DLC1: variants seen among roughly 807,000 people sequenced by gnomAD.
The protein encoded by DLC1 is DLC1 Rho GTPase activating protein, also known as rho GTPase-activating protein 7.
DLC1 carries 54 observed loss-of-function variants against 140.3 expected under a neutral mutation model. The observed-to-expected ratio is 0.38, with a 90% CI of 0.31 to 0.48. DLC1 has a LOEUF of 0.48. Among genes scored for constraint, DLC1 ranks in the 20% least tolerant of loss-of-function variants. The pLI is 0.96. For missense variants in DLC1, 2,536 were observed against 1,907.0 expected (o/e 1.33, Z -6.14); for synonymous variants, 986 against 728.1 (o/e 1.35, Z -5.70).
chr8:13,232,773 C>A (rs1020500405), intron 5 of DLC1, among the ~76,000 whole-genome samples: 3 of 152,186 alleles, frequency 2.0e-5, no homozygotes, highest in African/African-American at 7.2e-5. Flanking sequence ...ATTTTAGACT[C>A]AAATACAAAT....
intron 1 of DLC1, among the ~76,000 whole-genome samples, chr8:13,582,932 C>T (rs1478742126): frequency 8.3e-6 from 1 of 120,638 alleles, no homozygotes; most frequent in Non-Finnish European, 1.7e-5. Flanking sequence ...GGTGTAATAG[C>T]ATTATGTCTA....
At chr8:13,502,098 T>C (rs1437780370) in intron 1 of DLC1, among the ~76,000 whole-genome samples, 5 of 152,214 alleles carry the variant, frequency 3.3e-5, no homozygotes, top group Non-Finnish European at 7.3e-5. Flanking sequence ...TTATTAACTT[T>C]TTAGGCAAAA....
intron 8 of DLC1, among the ~76,000 whole-genome samples, 180 bp downstream of exon 8, chr8:13,102,610 T>C (rs1317124581): frequency 6.6e-6 from 1 of 152,194 alleles, no homozygotes; most frequent in Admixed American, 6.5e-5. Context: ...AATGGACTAG[T>C]TGCAACTATT....
chr8:13,157,930 T>C (rs1026238364), intron 5 of DLC1, among the ~76,000 whole-genome samples: 1 of 152,242 alleles, frequency 6.6e-6, no homozygotes, highest in Non-Finnish European at 1.5e-5. Flanking sequence ...ACTCATTTAG[T>C]TTACTCACTA....
rs769168002 is a variant in DLC1, at chr8:13,110,835, A to T, written c.1421-12T>A. The T allele has an allele frequency of 1.2e-6, 2 of 1,613,586 alleles. No homozygotes were observed. Among genetic ancestry groups the T allele is most frequent in the Admixed American group, 3.3e-5 (2 of 59,980 alleles). On this transcript the variant is annotated splice_polypyrimidine_tract_variant and intron_variant, in intron 6 of 17. Transcript: ENST00000276297. ...GGGGAACAGGAAATCTATGAGAAAA[A>T]TAAACAGATGTATTTGTTGAGCGCC...
chr8:13,430,523 A>G (rs1838816802), intron 2 of DLC1, among the ~76,000 whole-genome samples: 2 of 152,306 alleles, frequency 1.3e-5, no homozygotes, highest in East Asian at 1.9e-4. Flanking sequence ...TTTGAAAAAA[A>G]TGATTTTTAG....
chr8:13,532,519 C>T (rs550982879), intron 1 of DLC1, among the ~76,000 whole-genome samples: 1 of 152,352 alleles, frequency 6.6e-6, no homozygotes, highest in South Asian at 2.1e-4. Context: ...GCTTAACTCA[C>T]TTGTCAGAGT....
At chr8:13,599,843 T>G (rs951951729) in intron 1 of DLC1, among the ~76,000 whole-genome samples, 4 of 151,958 alleles carry the variant, frequency 2.6e-5, no homozygotes, top group African/African-American at 7.2e-5. Flanking sequence ...ACATAAAAAT[T>G]TTTATATGAT....
At chr8:13,247,052 A>C (rs1829795279) in intron 5 of DLC1, among the ~76,000 whole-genome samples, 2 of 152,134 alleles carry the variant, frequency 1.3e-5, no homozygotes, top group South Asian at 4.1e-4. Context: ...GCTCTCAACC[A>C]CATTGTAAGG....
At chr8:13,488,936 A>T (rs1801104049) in intron 2 of DLC1, among the ~76,000 whole-genome samples, 1 of 151,854 alleles carries the variant, frequency 6.6e-6, no homozygotes, top group Admixed American at 6.6e-5. Context: ...TCTAGGCTCA[A>T]TTTTTTTTAT....
At chr8:13,536,023 CAAAG>C in intron 1 of DLC1, 1 of 152,074 alleles carries the variant, frequency 6.6e-6, no homozygotes, top group East Asian at 1.9e-4. Flanking sequence ...AGGAGAACAA[CAAAG>C]AGTCTACGGC....
At chr8:13,536,038 C>A (rs1193726864) in intron 1 of DLC1, 1 of 152,118 alleles carries the variant, frequency 6.6e-6, no homozygotes, top group African/African-American at 2.4e-5. Context: ...AGTCTACGGC[C>A]ATACCACCCT....
At chr8:13,539,928 A>C (rs1192283044) in intron 1 of DLC1, among the ~76,000 whole-genome samples, 1 of 152,210 alleles carries the variant, frequency 6.6e-6, no homozygotes, top group Non-Finnish European at 1.5e-5. Flanking sequence ...ATAAGCTACA[A>C]AACCTTTTCA....
At chr8:13,183,640 C>G (rs1321950600) in intron 5 of DLC1, among the ~76,000 whole-genome samples, 4 of 152,094 alleles carry the variant, frequency 2.6e-5, no homozygotes, top group Non-Finnish European at 5.9e-5. Flanking sequence ...GTATGTTGAA[C>G]CAGCCTTGCA....
At position 13,099,364 on chromosome 8, in the gene DLC1, G is replaced by A. The variant is rs1818786205; in HGVS notation, c.2973C>T (p.Ser991=). 3 of 1,613,788 alleles carry A rather than the reference G, an allele frequency of 1.9e-6. No individual in the cohort carries two copies. The highest frequency in any genetic ancestry group is 1.7e-6 in the Non-Finnish European group (2 of 1,179,936). Residue 991 remains serine (S), a synonymous_variant, in exon 9 of 18, where the codon TCC becomes TCT. Transcript: ENST00000276297. The stretch of plus-strand genomic sequence containing the variant: ...GTTCTTACCTGTTGGACCTGGTTAG[G>A]GAAGCCCCAACCCCAGAATCCCTTC... The part of the protein sequence containing the change: ...PERRDSGVGA[S]LTRSNRHRLR...
intron 5 of DLC1, among the ~76,000 whole-genome samples, chr8:13,146,673 A>C (rs1312915216): frequency 6.6e-6 from 1 of 152,122 alleles, no homozygotes; most frequent in African/African-American, 2.4e-5. Context: ...CTGTGTTTTT[A>C]AAAAGTTGAC....
At chr8:13,354,068 G>A (rs928797244) in intron 4 of DLC1, among the ~76,000 whole-genome samples, 1 of 150,370 alleles carries the variant, frequency 6.7e-6, no homozygotes, top group Non-Finnish European at 1.5e-5. Flanking sequence ...TCTGTAATCA[G>A]CTGTGGTTTT....
chr8:13,599,430 T>A (rs1228124164), intron 1 of DLC1, among the ~76,000 whole-genome samples: 4 of 151,994 alleles, frequency 2.6e-5, no homozygotes, highest in African/African-American at 9.7e-5. Context: ...AAAAGGATGT[T>A]AGGATGAAGT....
chr8:13,499,553 T>A lies in DLC1; in HGVS notation c.519A>T (p.Ala173=), dbSNP rs370787087. ...SWGIAGETEL[A]LVKESGERKV... is the part of the protein sequence containing the mutation. ...TTCTCTCCCCACTTTCTTTTACCAGTGCTAATTCAGTTTCACCAGCTATTC... is the reference window on the plus strand; with the variant it reads ...TTCTCTCCCCACTTTCTTTTACCAGAGCTAATTCAGTTTCACCAGCTATTC... Residue 173 remains alanine, a synonymous_variant, in exon 2 of 18, where the codon GCA becomes GCT. Coordinates refer to ENST00000276297, the MANE Select transcript of DLC1 (RefSeq NM_182643.3). 7.4e-6 allele frequency: 12 copies of A among 1,614,070 alleles called. No homozygotes were observed. The highest frequency in any genetic ancestry group is 1.0e-5 in the Non-Finnish European group (12 of 1,180,024).
Sources: gnomAD v4.1 joint callset for allele counts (sites outside exome capture counted in the v4.1 genomes callset) on GRCh38, gnomAD v4.1.1 for gene constraint, MANE v1.5 for transcripts, NCBI Gene and HGNC (gene_info 2026-07-23, HGNC 2026-07-21) for gene names.